The following POU6F2 variants were observed in gnomAD, a reference collection of about 807,000 sequenced individuals.
The protein encoded by POU6F2 is POU domain, class 6, transcription factor 2.
POU6F2 carries 31 observed loss-of-function variants against 71.3 expected under a neutral mutation model. The observed-to-expected ratio is 0.43, with a 90% CI of 0.33 to 0.59. POU6F2 has a LOEUF of 0.59. POU6F2 is among the 20% of genes least tolerant of loss of function. The pLI, the probability that POU6F2 is intolerant of heterozygous loss-of-function variation, is 0.04. For missense variants in POU6F2, 783 were observed against 856.8 expected (o/e 0.91, Z 1.07); for synonymous variants, 347 against 355.7 (o/e 0.98, Z 0.27).
intron 4 of POU6F2, among the ~76,000 whole-genome samples, chr7:39,225,723 T>G (rs1209488229): frequency 6.6e-6 from 1 of 152,230 alleles, no homozygotes; most frequent in Non-Finnish European, 1.5e-5. Flanking sequence ...TCTTAAAAAC[T>G]AAATGATATA....
At chr7:39,078,895 G>C (rs1295061139) in intron 1 of POU6F2, among the ~76,000 whole-genome samples, 1 of 152,116 alleles carries the variant, frequency 6.6e-6, no homozygotes. Context: ...CTCCAGCCTG[G>C]CGACAGAGCA....
chr7:39,447,140 G>A (rs1788542760), intron 7 of POU6F2, among the ~76,000 whole-genome samples: 1 of 152,122 alleles, frequency 6.6e-6, no homozygotes. Context: ...AGCCACCTGA[G>A]AGTACCATGT....
At chr7:39,402,117 C>G (rs1787318176) in intron 5 of POU6F2, among the ~76,000 whole-genome samples, 1 of 152,130 alleles carries the variant, frequency 6.6e-6, no homozygotes, top group Non-Finnish European at 1.5e-5. Flanking sequence ...AGGATACAAA[C>G]TATGCATCTT....
intron 2 of POU6F2, among the ~76,000 whole-genome samples, chr7:39,163,073 T>G (rs1793031660): frequency 2.6e-5 from 4 of 152,348 alleles, no homozygotes; most frequent in Admixed American, 2.6e-4. Context: ...TTTAACCCCT[T>G]TCTCTTAATC....
intron 4 of POU6F2, among the ~76,000 whole-genome samples, chr7:39,325,529 T>A (rs573629409): frequency 1.3e-5 from 2 of 152,228 alleles, no homozygotes; most frequent in African/African-American, 4.8e-5. Context: ...AAGAAGTCTC[T>A]TGCTGTATAC....
At position 39,221,720 on chromosome 7, in the gene POU6F2, G is replaced by A. The variant is rs552076762; in HGVS notation, c.598+14100G>A. Among the ~76,000 whole-genome samples the A allele has an allele frequency of 5.9e-5, 9 of 152,004 alleles. No homozygotes were observed. The South Asian group carries it at 8.3e-4, about 14-fold the overall frequency. ...ATCTTGTCTTTTTAAAAATTAGTAC[G>A]CTTTTTACTGTGAAATATAGAGAAA... is the stretch of plus-strand genomic sequence containing the variant. On this transcript the variant is annotated intron_variant, in intron 4 of 9. Transcript: ENST00000518318.
At chr7:39,113,833 G>A (rs1270023407) in intron 2 of POU6F2, among the ~76,000 whole-genome samples, 2 of 152,130 alleles carry the variant, frequency 1.3e-5, no homozygotes, top group Non-Finnish European at 2.9e-5. Context: ...CTTCCAACAT[G>A]GTGCATTGCT....
At chr7:39,411,711 A>G (rs1237315248) in intron 6 of POU6F2, among the ~76,000 whole-genome samples, 1 of 152,190 alleles carries the variant, frequency 6.6e-6, no homozygotes, top group Non-Finnish European at 1.5e-5. Flanking sequence ...GCCTCCTAAA[A>G]TGACCACAAG....
intron 2 of POU6F2, among the ~76,000 whole-genome samples, chr7:39,115,571 G>A (rs968977265): frequency 1.3e-5 from 2 of 152,162 alleles, no homozygotes; most frequent in East Asian, 3.9e-4. Context: ...AGACTTCTAG[G>A]ATTACATGGA....
chr7:39,103,238 A>G (rs1051273936), intron 2 of POU6F2, among the ~76,000 whole-genome samples: 2 of 152,210 alleles, frequency 1.3e-5, no homozygotes, highest in African/African-American at 4.8e-5. Flanking sequence ...AAGTGTTCTA[A>G]AAGAGAAGTG....
At chr7:39,132,989 CTT>C (rs1278250052) in intron 2 of POU6F2, among the ~76,000 whole-genome samples, 2 of 152,202 alleles carry the variant, frequency 1.3e-5, no homozygotes, top group Non-Finnish European at 2.9e-5. Flanking sequence ...GAGATTACCT[CTT>C]TGACAAAAGT....
chr7:39,280,361 A>G (rs755066649), intron 4 of POU6F2, among the ~76,000 whole-genome samples: 1 of 152,340 alleles, frequency 6.6e-6, no homozygotes, highest in Non-Finnish European at 1.5e-5. Context: ...AAGGAAACAC[A>G]GTCCATGCTG....
chr7:39,184,557 G>T (rs757200759), intron 2 of POU6F2, among the ~76,000 whole-genome samples: 3 of 152,188 alleles, frequency 2.0e-5, no homozygotes, highest in African/African-American at 7.2e-5. Context: ...GCAAAATGGT[G>T]CAGCTTTAAT....
At chr7:39,339,450 T>C (rs916995511) in intron 4 of POU6F2, among the ~76,000 whole-genome samples, 192 bp from the exon 5 acceptor site, 3 of 152,202 alleles carry the variant, frequency 2.0e-5, no homozygotes, top group African/African-American at 7.2e-5. Flanking sequence ...CCAGAAATTC[T>C]AAACTTTCCC....
At chr7:39,126,320 G>C (rs1484070068) in intron 2 of POU6F2, among the ~76,000 whole-genome samples, 2 of 152,208 alleles carry the variant, frequency 1.3e-5, no homozygotes, top group African/African-American at 2.4e-5. Context: ...CCACCACTTG[G>C]AGGGCAGGGA....
intron 2 of POU6F2, among the ~76,000 whole-genome samples, chr7:39,198,081 G>T (rs1040000064): frequency 6.6e-6 from 1 of 152,152 alleles, no homozygotes; most frequent in Non-Finnish European, 1.5e-5. Flanking sequence ...GTCTCTCTGA[G>T]AAAAAGTATT....
At position 39,196,274 on chromosome 7, in the gene POU6F2, CTA is replaced by C. The variant is rs368417323; in HGVS notation, c.278-7959_278-7958del. On this transcript the variant is annotated intron_variant, in intron 2 of 9. Coordinates refer to ENST00000518318, the MANE Select transcript of POU6F2 (RefSeq NM_001370959.1). The stretch of plus-strand genomic sequence containing the variant: ...TTTGAAGAATTCATACCTTGTCTCT[CTA>C]TTATCAGCATAGATAATGAGTTAGA... Among the ~76,000 whole-genome samples the C allele has an allele frequency of 8.7e-4, 132 of 152,236 alleles. 2 individuals are homozygous for C. The South Asian group carries it at 0.02, about 23-fold the overall frequency.
intron 2 of POU6F2, among the ~76,000 whole-genome samples, chr7:39,176,506 G>T (rs1369164718): frequency 6.6e-6 from 1 of 152,108 alleles, no homozygotes; most frequent in Admixed American, 6.5e-5. Flanking sequence ...TTGCTCCACA[G>T]GTTGGACCAA....
At chr7:39,018,792 T>G (rs1789616804) in intron 1 of POU6F2, among the ~76,000 whole-genome samples, 1 of 152,098 alleles carries the variant, frequency 6.6e-6, no homozygotes, top group South Asian at 2.1e-4. Context: ...ATACAACGAG[T>G]AAAAGTTGAA....
Sources: allele counts gnomAD v4.1 joint callset (sites outside exome capture counted in the v4.1 genomes callset), GRCh38; gene constraint gnomAD v4.1.1; transcripts MANE v1.5; gene names NCBI Gene and HGNC (gene_info 2026-07-23, HGNC 2026-07-21).